NR3C2: variants seen among roughly 807,000 people sequenced by gnomAD.
NR3C2 encodes the protein nuclear receptor subfamily 3 group C member 2, also known as mineralocorticoid receptor.
A neutral mutation model predicts 86.4 loss-of-function variants in NR3C2; 15 were observed. That is an observed-to-expected ratio of 0.17 (90% CI 0.12 to 0.27). NR3C2 has a LOEUF of 0.27. Ranked by LOEUF, NR3C2 falls within the 10% of genes least tolerant of loss-of-function variation. NR3C2 has a pLI of 1.00. For synonymous variants in NR3C2, 458 were observed against 450.5 expected, an observed-to-expected ratio of 1.02 and a Z score of -0.21; for missense variants, 960 against 1,195.6, an observed-to-expected ratio of 0.80 and a Z score of 2.91.
At chr4:148,442,949 C>A (rs534118969), upstream of NR3C2, 14 of 985,192 alleles carry the variant, frequency 1.4e-5, no homozygotes, top group Non-Finnish European at 1.6e-5. Flanking sequence ...CGCTCTCCAC[C>A]TGCAGCTCCA....
chr4:148,164,507 T>A (rs1467317248), intron 4 of NR3C2, among the ~76,000 whole-genome samples: 2 of 152,220 alleles, frequency 1.3e-5, no homozygotes, highest in Non-Finnish European at 2.9e-5. Flanking sequence ...AAGACTGATG[T>A]ATGTGCATGT....
At position 148,310,893 on chromosome 4, in the gene NR3C2, C is replaced by G. The variant is rs1044510851; in HGVS notation, c.1758-50776G>C. 2.0e-5 allele frequency among the ~76,000 whole-genome samples: 3 copies of G among 152,264 alleles called. No individual in the cohort carries two copies. The East Asian group carries it at 5.8e-4, about 29-fold the overall frequency. ...TCTCCAGTTTCTCTCCTCCCACACT[C>G]TCATGATCCCACTCCCTGCACATGG... On this transcript the variant is annotated intron_variant, in intron 2 of 8. Transcript: ENST00000358102.
At chr4:148,394,252 C>CA (rs1747740553) in intron 2 of NR3C2, among the ~76,000 whole-genome samples, 1 of 151,890 alleles carries the variant, frequency 6.6e-6, no homozygotes, top group Non-Finnish European at 1.5e-5. Flanking sequence ...CAAGCCCACC[C>CA]AAAACTGCAG....
At chr4:148,319,961 T>G (rs1297475101) in intron 2 of NR3C2, among the ~76,000 whole-genome samples, 62 of 146,890 alleles carry the variant, frequency 4.2e-4, no homozygotes, top group African/African-American at 1.5e-3. Flanking sequence ...GTGCCAGTTT[T>G]CAAAGGGAAT....
intron 3 of NR3C2, among the ~76,000 whole-genome samples, chr4:148,209,260 A>G (rs1238705735): frequency 6.6e-6 from 1 of 152,044 alleles, no homozygotes; most frequent in Non-Finnish European, 1.5e-5. Flanking sequence ...AAAAAAAAAA[A>G]AGAAAAAGCC....
intron 1 of NR3C2, among the ~76,000 whole-genome samples, chr4:148,437,188 G>T (rs1472394262): frequency 6.6e-6 from 1 of 152,122 alleles, no homozygotes; most frequent in Non-Finnish European, 1.5e-5. Flanking sequence ...AGTAATCCTG[G>T]GAATTATTAA....
At chr4:148,225,205 T>C (rs1056301325) in intron 3 of NR3C2, among the ~76,000 whole-genome samples, 2 of 152,152 alleles carry the variant, frequency 1.3e-5, no homozygotes, top group Non-Finnish European at 2.9e-5. Flanking sequence ...CTCAAGAAGC[T>C]AGAGAATCCT....
chr4:148,345,853 C>G lies in NR3C2; in HGVS notation c.1758-85736G>C, dbSNP rs377221920. Among the ~76,000 whole-genome samples, 42 of 152,192 alleles carry G rather than the reference C, an allele frequency of 2.8e-4. 1 individual carries two copies. Among genetic ancestry groups the G allele is most frequent in the African/African-American group, 9.6e-4 (40 of 41,540 alleles). ...CATATGGTAGAGCAAAAGTTGGACC[C>G]AGTCCCTCCCTTCTCAGAGGTTATA... On this transcript the variant is annotated intron_variant, in intron 2 of 8. Transcript: ENST00000358102.
chr4:148,425,581 G>A (rs971900682), intron 2 of NR3C2, among the ~76,000 whole-genome samples: 2 of 152,294 alleles, frequency 1.3e-5, no homozygotes, highest in African/African-American at 4.8e-5. Context: ...ACCACAGAAA[G>A]GTCAGTGTGG....
At chr4:148,425,637 C>T (rs1749493657) in intron 2 of NR3C2, among the ~76,000 whole-genome samples, 2 of 152,134 alleles carry the variant, frequency 1.3e-5, no homozygotes, top group African/African-American at 4.8e-5. Context: ...AATCAGGGGC[C>T]TGGTAATTTA....
chr4:148,350,856 A>C (rs967752989), intron 2 of NR3C2, among the ~76,000 whole-genome samples: 8 of 152,218 alleles, frequency 5.3e-5, no homozygotes, highest in Non-Finnish European at 1.0e-4. Context: ...TCAATCTTGC[A>C]TAAAATATCC....
chr4:148,442,501 GCTGGAGGGCTGGCCCTTT>G, upstream of NR3C2: 1 of 302,832 alleles, frequency 3.3e-6, no homozygotes, highest in South Asian at 1.3e-4. Flanking sequence ...GAGTGGGCCA[GCTGGAGGGCTGGCCCTTT>G]TAAAAGCGGG....
intron 6 of NR3C2, among the ~76,000 whole-genome samples, chr4:148,144,056 C>A (rs1733749355): frequency 6.6e-6 from 1 of 151,814 alleles, no homozygotes; most frequent in South Asian, 2.1e-4. Context: ...CCACCTTTCT[C>A]AGGTACAGGC....
chr4:148,404,474 G>C (rs10034882), intron 2 of NR3C2, among the ~76,000 whole-genome samples: 1 of 151,922 alleles, frequency 6.6e-6, no homozygotes, highest in African/African-American at 2.4e-5. Context: ...TGTTTTTTGG[G>C]GGGAGTCTAG....
Position 148,081,219 on chromosome 4 carries a change from A to T in NR3C2, c.*125T>A. 1 of 1,349,998 alleles carries T rather than the reference A, an allele frequency of 7.4e-7. No individual in the cohort carries two copies. Among genetic ancestry groups the T allele is most frequent in the Non-Finnish European group, 1.0e-6 (1 of 958,046 alleles). The allele number at this position is 1,349,998 out of a possible 1,614,324, so 83.6% of individuals were successfully genotyped here. A position where few individuals can be genotyped will look rare whatever the true frequency, so the allele number is the denominator to read the frequency against. Reference sequence around the variant, plus strand: ...CTCCAAACCTCTGACATGACTTTAAACTTGAGAAACTGTTGAACAAGTGTG... The same window carrying T: ...CTCCAAACCTCTGACATGACTTTAATCTTGAGAAACTGTTGAACAAGTGTG... On this transcript the variant is annotated 3_prime_UTR_variant, in exon 9 of 9. Coordinates refer to ENST00000358102, the MANE Select transcript of NR3C2 (RefSeq NM_000901.5).
At chr4:148,415,195 G>T (rs968184010) in intron 2 of NR3C2, among the ~76,000 whole-genome samples, 1 of 152,142 alleles carries the variant, frequency 6.6e-6, no homozygotes, top group Non-Finnish European at 1.5e-5. Context: ...AAAAGCAAAG[G>T]ATTGTCGATC....
intron 8 of NR3C2, among the ~76,000 whole-genome samples, chr4:148,082,777 C>T (rs1421857793): frequency 2.0e-5 from 3 of 151,592 alleles, no homozygotes; most frequent in Non-Finnish European, 2.9e-5. Context: ...TTTAGCTCAG[C>T]GGATCCCACC....
rs188117427 is a variant in NR3C2, at chr4:148,134,352, C to T, written c.2511-14064G>A. ...TACACTACACATGCACACAAAATGGCATGAATACAATGATTATTCAATGTA... is the reference window on the plus strand; with the variant it reads ...TACACTACACATGCACACAAAATGGTATGAATACAATGATTATTCAATGTA... On this transcript the variant is annotated intron_variant, in intron 6 of 8. Coordinates refer to ENST00000358102, the MANE Select transcript of NR3C2 (RefSeq NM_000901.5). Among the ~76,000 whole-genome samples the T allele has an allele frequency of 7.4e-4, 113 of 152,278 alleles. 1 individual carries two copies. In the South Asian group the frequency reaches 0.013, roughly 18 times the overall value.
At chr4:148,360,386 C>A (rs191729582) in intron 2 of NR3C2, among the ~76,000 whole-genome samples, 1 of 152,220 alleles carries the variant, frequency 6.6e-6, no homozygotes, top group Admixed American at 6.5e-5. Flanking sequence ...CAACATAGTC[C>A]AAGATCTATA....
Sources: gnomAD v4.1 joint callset for allele counts (sites outside exome capture counted in the v4.1 genomes callset) on GRCh38, gnomAD v4.1.1 for gene constraint, MANE v1.5 for transcripts, NCBI Gene and HGNC (gene_info 2026-07-23, HGNC 2026-07-21) for gene names.